Variants in ROBO2 observed in about 807,000 individuals in gnomAD.
ROBO2 encodes the protein roundabout homolog 2.
ROBO2 carries 53 observed loss-of-function variants against 160.8 expected under a neutral mutation model. The observed-to-expected ratio is 0.33, with a 90% CI of 0.26 to 0.41. The LOEUF is 0.41. ROBO2 is among the 10% of genes least tolerant of loss of function. ROBO2 has a pLI of 1.00. For synonymous variants in ROBO2, 664 were observed against 611.7 expected (o/e 1.09, Z -1.26); for missense variants, 1,577 against 1,722.4 (o/e 0.92, Z 1.49).
In ROBO2 at chr3:77,164,748, C is replaced by G. The variant is rs573776408; in HGVS notation, c.388+66408C>G. ...CCTCCGCCCGGCCAGCCACCCCGTC[C>G]GGGAGGGAAGTGGGGGGGTCAGACC... On this transcript the variant is annotated intron_variant, in intron 2 of 25. Transcript: ENST00000461745. Among the ~76,000 whole-genome samples the G allele has an allele frequency of 2.8e-5, 2 of 70,196 alleles. 1 individual carries two copies. Among genetic ancestry groups the G allele is most frequent in the Non-Finnish European group, 6.9e-5 (2 of 29,172 alleles). The allele number at this position is 70,196 out of a possible 152,430, so 46.1% of individuals were successfully genotyped here. A position where few individuals can be genotyped will look rare whatever the true frequency, so the allele number is the denominator to read the frequency against.
chr3:76,453,981 C>T (rs1026156129), intron 2 of ROBO2, among the ~76,000 whole-genome samples: 19 of 152,122 alleles, frequency 1.2e-4, no homozygotes, highest in African/African-American at 4.6e-4. Context: ...TGTCTATTGT[C>T]ACCTGGGCCA....
chr3:76,412,236 CCTCCCCCTGGGTTA>C (rs1305062941), intron 2 of ROBO2, among the ~76,000 whole-genome samples: 2 of 152,106 alleles, frequency 1.3e-5, no homozygotes, highest in African/African-American at 4.8e-5. Flanking sequence ...CCCCTGGGTC[CCTCCCCCTGGGTTA>C]CTCCCACAAC....
At chr3:76,008,232 C>CAAAAAAAAAAAAAAAAAAA (rs5850225) in intron 2 of ROBO2, among the ~76,000 whole-genome samples, 1 of 82,280 alleles carries the variant, frequency 1.2e-5, no homozygotes, top group African/African-American at 4.5e-5. Context: ...AAGACTCTGT[C>CAAAAAAAAAAAAAAAAAAA]AAAAAAAAAA....
chr3:76,763,558 A>T (rs2061421122), intron 2 of ROBO2, among the ~76,000 whole-genome samples: 1 of 104,192 alleles, frequency 9.6e-6, no homozygotes, highest in African/African-American at 3.8e-5. Flanking sequence ...CTTTTAAAAA[A>T]TATTTTCCAT....
chr3:76,751,219 G>A (rs565817417), intron 2 of ROBO2, among the ~76,000 whole-genome samples: 49 of 152,046 alleles, frequency 3.2e-4, no homozygotes, highest in Non-Finnish European at 5.6e-4. Flanking sequence ...TTAATAAATG[G>A]TGCTGGGAAA....
intron 2 of ROBO2, among the ~76,000 whole-genome samples, chr3:76,046,818 C>T (rs1486169751): frequency 6.6e-6 from 1 of 150,490 alleles, no homozygotes; most frequent in Admixed American, 6.6e-5. Flanking sequence ...GAATATATCA[C>T]GTATGGTCTT....
intron 2 of ROBO2, among the ~76,000 whole-genome samples, chr3:76,278,792 T>C (rs1015941461): frequency 5.3e-5 from 8 of 151,748 alleles, no homozygotes; most frequent in African/African-American, 1.9e-4. Flanking sequence ...GGTTTGAAAA[T>C]TGGGAGAGAA....
chr3:76,760,316 A>T (rs1196533452), intron 2 of ROBO2, among the ~76,000 whole-genome samples: 1 of 151,754 alleles, frequency 6.6e-6, no homozygotes, highest in African/African-American at 2.4e-5. Context: ...TCCTATTGTA[A>T]AATAGTTTCT....
chr3:75,971,519 T>C (rs116304348), intron 2 of ROBO2, among the ~76,000 whole-genome samples: 1,975 of 151,614 alleles, frequency 0.013, 25 homozygotes, highest in Middle Eastern at 0.034. Flanking sequence ...GACAGAAAAA[T>C]TCAATTCATC....
At chr3:76,121,920 G>A (rs1047724896) in intron 2 of ROBO2, among the ~76,000 whole-genome samples, 2 of 152,094 alleles carry the variant, frequency 1.3e-5, no homozygotes, top group African/African-American at 4.8e-5. Flanking sequence ...TATTTAGATA[G>A]TATCTATGTA....
At chr3:76,736,161 AGTC>A (rs1398323451) in intron 2 of ROBO2, among the ~76,000 whole-genome samples, 1 of 151,666 alleles carries the variant, frequency 6.6e-6, no homozygotes, top group Non-Finnish European at 1.5e-5. Context: ...TGGCGCCTGC[AGTC>A]CCAGCTACTC....
chr3:77,561,996 G>A (rs534565402), intron 9 of ROBO2, among the ~76,000 whole-genome samples: 8 of 151,986 alleles, frequency 5.3e-5, no homozygotes, highest in South Asian at 2.1e-4. Flanking sequence ...CCAGCTACTC[G>A]GGAGTCTGAG....
At position 76,170,168 on chromosome 3, in the gene ROBO2, G is replaced by T. The variant is rs923781955; in HGVS notation, c.109+232566G>T. ...TTAAAGATAACTTCTTATTTAGCAT[G>T]GGTAATACAGGGTTTGTTTTCCTGG... On this transcript the variant is annotated intron_variant, in intron 2 of 26. Coordinates refer to the ROBO2 transcript ENST00000487694. 6.0e-5 allele frequency among the ~76,000 whole-genome samples: 9 copies of T among 150,948 alleles called. No individual in the cohort carries two copies. The South Asian group carries it at 6.2e-4, about 10-fold the overall frequency.
At chr3:76,166,106 G>GA (rs1334740061) in intron 2 of ROBO2, among the ~76,000 whole-genome samples, 8 of 151,142 alleles carry the variant, frequency 5.3e-5, no homozygotes, top group African/African-American at 1.7e-4. Flanking sequence ...ACATACTATT[G>GA]AAAAAAAATA....
At chr3:76,122,766 G>A (rs2070804648) in intron 2 of ROBO2, among the ~76,000 whole-genome samples, 1 of 152,010 alleles carries the variant, frequency 6.6e-6, no homozygotes, top group Admixed American at 6.6e-5. Context: ...TGTTGATACT[G>A]TAGCATGATG....
chr3:76,294,003 T>C (rs772791602), intron 2 of ROBO2, among the ~76,000 whole-genome samples: 23 of 152,088 alleles, frequency 1.5e-4, no homozygotes, highest in Non-Finnish European at 2.6e-4. Context: ...GTCTCCGATG[T>C]TCATCGGCAC....
chr3:76,377,552 A>G (rs915772369), intron 2 of ROBO2, among the ~76,000 whole-genome samples: 2 of 152,130 alleles, frequency 1.3e-5, no homozygotes, highest in African/African-American at 4.8e-5. Flanking sequence ...CCAGTTGTTC[A>G]TTTTATCCCT....
At chr3:76,206,927 C>T (rs1460767167) in intron 2 of ROBO2, among the ~76,000 whole-genome samples, 1 of 152,120 alleles carries the variant, frequency 6.6e-6, no homozygotes, top group African/African-American at 2.4e-5. Flanking sequence ...GCCTCAGAGC[C>T]ACACAATCCC....
rs1424953575 is a variant in ROBO2 at position 76,961,306 on chromosome 3, T to TA, written c.110-136696dup. Among the ~76,000 whole-genome samples, 1,060 of 137,008 alleles carry TA rather than the reference T, an allele frequency of 7.7e-3. 10 individuals carry two copies. The highest frequency in any genetic ancestry group is 0.025 in the African/African-American group (898 of 36,498). The allele number at this position is 137,008 out of a possible 152,430, so 89.9% of individuals were successfully genotyped here. On this transcript the variant is annotated intron_variant, in intron 2 of 26. Transcript: ENST00000487694. The stretch of plus-strand genomic sequence containing the variant: ...TTTCTTAGCACCTCAAAGGAAAATG[T>TA]AAAAAAAAAAAATCCAATATATAAT...
Sources: allele counts gnomAD v4.1 joint callset (sites outside exome capture counted in the v4.1 genomes callset), GRCh38; gene constraint gnomAD v4.1.1; transcripts MANE v1.5; gene names NCBI Gene and HGNC (gene_info 2026-07-23, HGNC 2026-07-21).